The following LIMK2 variants were observed in gnomAD, a reference collection of about 807,000 sequenced individuals.
LIMK2 encodes LIM domain kinase 2.
LIMK2 carries 35 observed loss-of-function variants against 75.7 expected under a neutral mutation model. That is an observed-to-expected ratio of 0.46 (90% CI 0.35 to 0.61). The LOEUF (loss-of-function observed/expected upper bound fraction) is 0.61. Ranked by LOEUF, LIMK2 falls within the 20% of genes least tolerant of loss-of-function variation. The pLI is 0.00. For missense variants in LIMK2, 623 were observed against 831.0 expected (o/e 0.75, Z 3.08); for synonymous variants, 301 against 319.2 (o/e 0.94, Z 0.61).
chr22:31,273,315 G>A (rs571143828), intron 13 of LIMK2, 137 bp from the exon 14 acceptor site: 7 of 749,732 alleles, frequency 9.3e-6, no homozygotes, highest in Admixed American at 4.5e-5. Flanking sequence ...TGGTGTCTGC[G>A]CAGGACAGCC....
intron 2 of LIMK2, among the ~76,000 whole-genome samples, chr22:31,244,501 C>A (rs1413982855): frequency 6.6e-6 from 1 of 152,126 alleles, no homozygotes. Context: ...TTCCCCACTT[C>A]CAGCCCACCT....
At position 31,272,632 on chromosome 22, in the gene LIMK2, CGCAAGA is replaced by C; in HGVS notation, c.1487_1492del (p.Arg496_Asn498delinsHis). On this transcript the variant is annotated inframe_deletion, in exon 13 of 16. Coordinates refer to ENST00000331728, the MANE Select transcript of LIMK2 (RefSeq NM_005569.4). The stretch of plus-strand genomic sequence containing the variant: ...GGCCACCACCAAGAAACGCACCTTG[CGCAAGA>C]ACGACCGCAAGAAGCGCTACACGGT... The C allele has an allele frequency of 6.2e-7, 1 of 1,613,978 alleles. No individual in the cohort carries two copies. Among genetic ancestry groups the C allele is most frequent in the Non-Finnish European group, 8.5e-7 (1 of 1,179,984 alleles).
intron 5 of LIMK2, among the ~76,000 whole-genome samples, chr22:31,261,388 G>A (rs769257675): frequency 6.6e-6 from 1 of 152,024 alleles, no homozygotes; most frequent in Non-Finnish European, 1.5e-5. Context: ...TCTACTAAAA[G>A]TACAAAAATT....
intron 15 of LIMK2, chr22:31,277,532 A>C (rs943835967): frequency 6.4e-5 from 65 of 1,009,498 alleles, no homozygotes; most frequent in African/African-American, 1.9e-4. Context: ...CAGTAACACC[A>C]GTGTAAAAGC....
chr22:31,271,072 A>G (rs575345330), intron 11 of LIMK2, 64 bp from the exon 12 acceptor site: 9 of 1,479,112 alleles, frequency 6.1e-6, no homozygotes, highest in Non-Finnish European at 3.8e-6. Flanking sequence ...ATGGCGCCCA[A>G]TTCCAGATTC....
chr22:31,266,213 C>A, intron 8 of LIMK2, 81 bp downstream of exon 8: 1 of 1,385,036 alleles, frequency 7.2e-7, no homozygotes, highest in Non-Finnish European at 1.0e-6. Context: ...CATCACTTGG[C>A]CCCACCCCAC....
At chr22:31,268,721 C>A (rs987057326) in intron 11 of LIMK2, among the ~76,000 whole-genome samples, 2 of 152,140 alleles carry the variant, frequency 1.3e-5, no homozygotes, top group Admixed American at 1.3e-4. Context: ...TAACAGCTGA[C>A]AAGTACTGAG....
Position 31,268,128 on chromosome 22 carries a change from A to T in LIMK2, c.1261-16A>T. 6.2e-7 allele frequency: 1 copy of T among 1,613,662 alleles called. No homozygotes were observed. On this transcript the variant is annotated splice_polypyrimidine_tract_variant and intron_variant, in intron 10 of 15. Coordinates refer to ENST00000331728, the MANE Select transcript of LIMK2 (RefSeq NM_005569.4). ...CAGGGCTCAACAGCCTCTGAAAATC[A>T]TTCCCCATTCTGCAGGATCCGTTCC...
intron 7 of LIMK2, among the ~76,000 whole-genome samples, chr22:31,264,502 G>A (rs1000139953): frequency 6.6e-6 from 1 of 152,210 alleles, no homozygotes; most frequent in Non-Finnish European, 1.5e-5. Flanking sequence ...CATTGACCAT[G>A]ACTATTATCG....
chr22:31,268,426 G>A (rs1018264248), intron 11 of LIMK2, among the ~76,000 whole-genome samples: 1 of 127,714 alleles, frequency 7.8e-6, no homozygotes, highest in African/African-American at 2.8e-5. Context: ...AACAGGGCAC[G>A]GACAAGGCAA....
chr22:31,272,236 T>G (rs1274440167), intron 12 of LIMK2, among the ~76,000 whole-genome samples: 1 of 151,240 alleles, frequency 6.6e-6, no homozygotes, highest in African/African-American at 2.4e-5. Flanking sequence ...AATTTTTTTT[T>G]TTTTTTTTTT....
In LIMK2 at chr22:31,229,417, C is replaced by G. The variant is rs529035002; in HGVS notation, c.116+3598C>G. 2.0e-5 allele frequency among the ~76,000 whole-genome samples: 3 copies of G among 152,228 alleles called. No homozygotes were observed. In the East Asian group the frequency reaches 5.8e-4, roughly 29 times the overall value. ...TGTATTTGTCTGACCCCAGAGATAA[C>G]CTGGGTTTTGAGGAACATGGGGCAT... On this transcript the variant is annotated intron_variant, in intron 2 of 15. Coordinates refer to ENST00000331728, the MANE Select transcript of LIMK2 (RefSeq NM_005569.4).
chr22:31,279,391 A>T lies in LIMK2; in HGVS notation c.*950A>T, dbSNP rs890506435. On this transcript the variant is annotated 3_prime_UTR_variant, in exon 16 of 16. Transcript: ENST00000331728. ...GAGGGAGGGGAGTGGGAGTCTCAGC[A>T]ATCTCTTGGTCTTGGCTTCATGGCA... 6.6e-5 allele frequency: 10 copies of T among 152,222 alleles called. No homozygotes were observed. Among genetic ancestry groups the T allele is most frequent in the South Asian group, 2.1e-4 (1 of 4,834 alleles). 9.4% of individuals were successfully genotyped at this position (152,222 alleles called of 1,614,324 possible).
Position 31,258,300 on chromosome 22 carries a change from A to G in LIMK2, c.126A>G (p.Glu42=). The G allele has an allele frequency of 1.2e-6, 2 of 1,604,896 alleles. No individual in the cohort carries two copies. Among genetic ancestry groups the G allele is most frequent in the Non-Finnish European group, 1.7e-6 (2 of 1,173,892 alleles). ...TTGTCTTGCCTTTCAGGTGTTCAGA[A>G]TGCCAGGATTCCCTCACCAACTGGT... ...TWHGSCFRCS[E]CQDSLTNWYY... Residue 42 remains glutamate, a synonymous_variant, in exon 3 of 16, where the codon GAA becomes GAG. Transcript: ENST00000331728.
At chr22:31,270,476 G>C (rs890808411) in intron 11 of LIMK2, among the ~76,000 whole-genome samples, 4 of 152,178 alleles carry the variant, frequency 2.6e-5, no homozygotes, top group African/African-American at 9.7e-5. Flanking sequence ...AGTATTGCAG[G>C]GGGCTGGAGA....
chr22:31,273,280 C>T (rs1034655191), intron 13 of LIMK2, among the ~76,000 whole-genome samples, 172 bp from the exon 14 acceptor site: 1 of 152,182 alleles, frequency 6.6e-6, no homozygotes, highest in African/African-American at 2.4e-5. Flanking sequence ...AGTTCACCTA[C>T]AGCTGAGGAA....
chr22:31,221,604 C>T (rs2048435102), intron 1 of LIMK2, among the ~76,000 whole-genome samples: 1 of 152,100 alleles, frequency 6.6e-6, no homozygotes, highest in Non-Finnish European at 1.5e-5. Context: ...CTTGCCTCAG[C>T]CTCCTGAGTA....
intron 1 of LIMK2, among the ~76,000 whole-genome samples, chr22:31,218,300 A>G (rs1405277526): frequency 1.3e-5 from 2 of 152,240 alleles, no homozygotes; most frequent in African/African-American, 4.8e-5. Flanking sequence ...TCAAACACAC[A>G]TACATTTACC....
chr22:31,261,322 C>T (rs7289337), intron 5 of LIMK2, among the ~76,000 whole-genome samples: 58,095 of 151,804 alleles, frequency 0.38, 12,867 homozygotes, highest in Middle Eastern at 0.56. Context: ...CCGAGGTGGG[C>T]GGATCACAAG....
Sources: allele counts gnomAD v4.1 joint callset (sites outside exome capture counted in the v4.1 genomes callset), GRCh38; gene constraint gnomAD v4.1.1; transcripts MANE v1.5; gene names NCBI Gene and HGNC (gene_info 2026-07-23, HGNC 2026-07-21).